The following RPS6KA2 variants were observed in gnomAD, a reference collection of about 807,000 sequenced individuals.
RPS6KA2 encodes ribosomal protein S6 kinase A2.
In RPS6KA2, 42 loss-of-function variants were observed where a neutral mutation model predicts 91.8. The ratio of observed to expected loss-of-function variants is 0.46; its 90% confidence interval spans 0.36 to 0.59. The LOEUF is 0.59. Among genes scored for constraint, RPS6KA2 ranks in the 20% least tolerant of loss-of-function variants. RPS6KA2 has a pLI of 0.00. For missense variants in RPS6KA2, 798 were observed against 978.5 expected (o/e 0.82, Z 2.46); for synonymous variants, 414 against 393.6 (o/e 1.05, Z -0.61).
intron 10 of RPS6KA2, among the ~76,000 whole-genome samples, chr6:166,487,568 G>A (rs1781454128): frequency 6.6e-6 from 1 of 152,018 alleles, no homozygotes; most frequent in African/African-American, 2.4e-5. Context: ...GAACTGCCTC[G>A]GAAATACAAC....
intron 2 of RPS6KA2, among the ~76,000 whole-genome samples, chr6:166,653,205 C>T (rs1447318334): frequency 6.6e-6 from 1 of 152,252 alleles, no homozygotes; most frequent in Non-Finnish European, 1.5e-5. Context: ...GGATTACAGG[C>T]ATGTGCCACC....
chr6:166,673,820 A>G (rs1304503750), intron 2 of RPS6KA2, among the ~76,000 whole-genome samples: 1 of 152,248 alleles, frequency 6.6e-6, no homozygotes, highest in Non-Finnish European at 1.5e-5. Context: ...TGCCAAACTA[A>G]GCTTGCCGTA....
rs1363976949 is a variant in RPS6KA2 at position 166,662,770 on chromosome 6, C to G, written c.124-123986G>C. On this transcript the variant is annotated intron_variant, in intron 2 of 21. Coordinates refer to the RPS6KA2 transcript ENST00000503859. This position sits in a 1 kb window ranked among gnomAD's most constrained non-coding sequence, Gnocchi z 4.3. ...CCAAATTCATATGTTGAAGTCCTAACCTCTGGTACTTAGACTGTGACTGTG... is the reference window on the plus strand; with the variant it reads ...CCAAATTCATATGTTGAAGTCCTAAGCTCTGGTACTTAGACTGTGACTGTG... Among the ~76,000 whole-genome samples, 1 of 152,142 alleles carries G rather than the reference C, an allele frequency of 6.6e-6. No individual in the cohort carries two copies. The highest frequency in any genetic ancestry group is 2.4e-5 in the African/African-American group (1 of 41,412).
In RPS6KA2 at chr6:166,579,676, C is replaced by T. The variant is rs7760885; in HGVS notation, c.100-40892G>A. ...TGTCATGTTACAAGAAGGAAGCAGC[C>T]TGTGAAAAGTGTCAACCGCTCCTTT... On this transcript the variant is annotated intron_variant, in intron 1 of 20. Transcript: ENST00000265678. 1.9e-3 allele frequency among the ~76,000 whole-genome samples: 294 copies of T among 152,298 alleles called. 1 individual carries two copies. The highest frequency in any genetic ancestry group is 6.8e-3 in the African/African-American group (281 of 41,552).
chr6:166,775,134 G>C (rs751459780), intron 2 of RPS6KA2, among the ~76,000 whole-genome samples: 6 of 152,118 alleles, frequency 3.9e-5, no homozygotes, highest in Non-Finnish European at 7.4e-5. Context: ...TTACCAAAAT[G>C]GTTAATTTAA....
At chr6:166,795,804 A>G (rs1349571516) in intron 2 of RPS6KA2, among the ~76,000 whole-genome samples, 1 of 152,162 alleles carries the variant, frequency 6.6e-6, no homozygotes, top group Non-Finnish European at 1.5e-5. Flanking sequence ...ATTTTCCATA[A>G]AAGGTGGGAC....
Position 166,726,535 on chromosome 6 carries a change from T to C in RPS6KA2, c.123+131665A>G, listed in dbSNP as rs142219454. Among the ~76,000 whole-genome samples the C allele has an allele frequency of 1.5e-3, 221 of 152,346 alleles. No individual in the cohort carries two copies. The highest frequency in any genetic ancestry group is 5.0e-3 in the African/African-American group (208 of 41,574). Reference sequence around the variant, plus strand: ...AGAAGGACATGCATCCTGCCGCCCATGTCAGACACACGTCCCTTGCATGAA... The same window carrying C: ...AGAAGGACATGCATCCTGCCGCCCACGTCAGACACACGTCCCTTGCATGAA... On this transcript the variant is annotated intron_variant, in intron 2 of 21. Coordinates refer to the RPS6KA2 transcript ENST00000503859. This position sits in a 1 kb window ranked among gnomAD's most constrained non-coding sequence, Gnocchi z 4.4.
chr6:166,544,902 T>G (rs1461748580), intron 1 of RPS6KA2, among the ~76,000 whole-genome samples: 2 of 152,230 alleles, frequency 1.3e-5, no homozygotes, highest in Admixed American at 1.3e-4. Context: ...GTGAGCCATT[T>G]AGTACAGCAG....
chr6:166,781,888 G>T (rs1011786275), intron 2 of RPS6KA2, among the ~76,000 whole-genome samples: 3 of 152,220 alleles, frequency 2.0e-5, no homozygotes, highest in Non-Finnish European at 4.4e-5. Context: ...TGACTCTGTC[G>T]TGGGGCCTGT....
intron 2 of RPS6KA2, chr6:166,702,708 G>A (rs1281139521): frequency 4.6e-6 from 6 of 1,317,606 alleles, no homozygotes; most frequent in Non-Finnish European, 5.5e-6. Flanking sequence ...TCTCGTCTGG[G>A]CAGTCCACGA....
chr6:166,861,359 CTAA>C (rs59260089), intron 1 of RPS6KA2, among the ~76,000 whole-genome samples: 90,988 of 151,730 alleles, frequency 0.6, 30,461 homozygotes, highest in Non-Finnish European at 0.75. Flanking sequence ...ACAGGTATAT[CTAA>C]TAATTTAGTA....
At chr6:166,693,689 T>C (rs1036633685) in intron 2 of RPS6KA2, among the ~76,000 whole-genome samples, 1 of 152,234 alleles carries the variant, frequency 6.6e-6, no homozygotes, top group Non-Finnish European at 1.5e-5. Context: ...GTTTGCATCC[T>C]TGTGAATACA....
intron 2 of RPS6KA2, among the ~76,000 whole-genome samples, chr6:166,747,819 T>C (rs1562415337): frequency 6.6e-6 from 1 of 152,164 alleles, no homozygotes; most frequent in Non-Finnish European, 1.5e-5. Flanking sequence ...TCCTTTCCAA[T>C]GCAAACGACC....
At chr6:166,631,047 C>G (rs1481637739), upstream of RPS6KA2, among the ~76,000 whole-genome samples, 2 of 152,174 alleles carry the variant, frequency 1.3e-5, no homozygotes, top group Non-Finnish European at 2.9e-5. Flanking sequence ...GCCCCTGGCC[C>G]TCACCCACAG....
intron 16 of RPS6KA2, among the ~76,000 whole-genome samples, chr6:166,425,910 A>T (rs1310096790): frequency 6.6e-6 from 1 of 152,214 alleles, no homozygotes; most frequent in Non-Finnish European, 1.5e-5. Context: ...GAAAGTTAAC[A>T]GGGATACCCA....
chr6:166,773,492 C>G (rs961909577), intron 2 of RPS6KA2, among the ~76,000 whole-genome samples: 3 of 152,136 alleles, frequency 2.0e-5, no homozygotes, highest in Non-Finnish European at 4.4e-5. Flanking sequence ...ACCTCTGCCC[C>G]CCAGGTTCCA....
At chr6:166,568,026 T>C (rs116561756) in intron 1 of RPS6KA2, among the ~76,000 whole-genome samples, 5,189 of 152,242 alleles carry the variant, frequency 0.034, 327 homozygotes, top group African/African-American at 0.12. Flanking sequence ...AGGTCTAGGA[T>C]GGAAGAGGAA....
chr6:166,612,726 C>T lies in RPS6KA2; in HGVS notation c.99+14195G>A, dbSNP rs1305137760. ...GCTGAGTGAAGGTAACAGGACTGTG[C>T]AGTTGGGAAGCTCATCTCCTCTTAC... On this transcript the variant is annotated intron_variant, in intron 1 of 20. Transcript: ENST00000265678. The surrounding 1 kb of genome is among the most constrained non-coding windows in gnomAD (Gnocchi z 4.3). 6.6e-6 allele frequency among the ~76,000 whole-genome samples: 1 copy of T among 152,184 alleles called. No individual in the cohort carries two copies. The highest frequency in any genetic ancestry group is 1.5e-5 in the Non-Finnish European group (1 of 68,028).
At chr6:166,725,289 A>T (rs1237442055) in intron 2 of RPS6KA2, among the ~76,000 whole-genome samples, 1 of 152,240 alleles carries the variant, frequency 6.6e-6, no homozygotes, top group South Asian at 2.1e-4. Flanking sequence ...CCTTGAAAAC[A>T]ACCTTAGCTC....
Sources: allele counts gnomAD v4.1 joint callset (sites outside exome capture counted in the v4.1 genomes callset), GRCh38; gene constraint gnomAD v4.1.1; non-coding constraint Gnocchi (gnomAD v3.1); transcripts MANE v1.5; gene names NCBI Gene and HGNC (gene_info 2026-07-23, HGNC 2026-07-21).